The following RASSF2 variants were observed in gnomAD, a reference collection of about 807,000 sequenced individuals.
RASSF2 encodes Ras association domain family member 2.
In RASSF2, 34 loss-of-function variants were observed where a neutral mutation model predicts 46.3. The ratio of observed to expected loss-of-function variants is 0.73; its 90% confidence interval spans 0.56 to 0.98. The LOEUF (loss-of-function observed/expected upper bound fraction) is 0.98. Among genes scored for constraint, RASSF2 ranks in the 50% least tolerant of loss-of-function variants. The pLI is 0.00. For missense variants in RASSF2, 364 were observed against 431.2 expected (o/e 0.84, Z 1.38); for synonymous variants, 158 against 162.5 (o/e 0.97, Z 0.21).
At chr20:4,816,503 T>C (rs1928314774) in intron 2 of RASSF2, among the ~76,000 whole-genome samples, 1 of 152,090 alleles carries the variant, frequency 6.6e-6, no homozygotes, top group Non-Finnish European at 1.5e-5. Flanking sequence ...GAGCTTCTGT[T>C]TGGAACGACG....
chr20:4,799,631 A>G (rs1926695240), intron 3 of RASSF2, among the ~76,000 whole-genome samples: 1 of 152,234 alleles, frequency 6.6e-6, no homozygotes, highest in African/African-American at 2.4e-5. Flanking sequence ...ACCTAAGACA[A>G]AAGGCCGTTT....
At chr20:4,821,180 G>A (rs1222380132) in intron 2 of RASSF2, among the ~76,000 whole-genome samples, 1 of 152,160 alleles carries the variant, frequency 6.6e-6, no homozygotes, top group Non-Finnish European at 1.5e-5. Context: ...GTGGGTCAGA[G>A]CATCCAAAGG....
At chr20:4,789,475 G>T in intron 8 of RASSF2, 121 bp downstream of exon 8, 4 of 745,820 alleles carry the variant, frequency 5.4e-6, no homozygotes, top group East Asian at 2.7e-5. Flanking sequence ...CTAAAGAACC[G>T]AAGCCCTCTG....
intron 2 of RASSF2, among the ~76,000 whole-genome samples, chr20:4,813,576 C>G (rs542201562): frequency 3.3e-5 from 5 of 152,212 alleles, no homozygotes; most frequent in Non-Finnish European, 7.3e-5. Context: ...TACAGGGAAG[C>G]CCCACTGGCA....
At chr20:4,817,782 T>C (rs892315856) in intron 2 of RASSF2, among the ~76,000 whole-genome samples, 3 of 152,186 alleles carry the variant, frequency 2.0e-5, no homozygotes, top group African/African-American at 7.2e-5. Context: ...GGGTGTCTCA[T>C]GGTGGGTGGC....
intron 2 of RASSF2, among the ~76,000 whole-genome samples, chr20:4,815,610 C>G (rs1928240780): frequency 6.6e-6 from 1 of 152,254 alleles, no homozygotes; most frequent in Non-Finnish European, 1.5e-5. Flanking sequence ...AGTGTCCACA[C>G]AACTCCACTT....
Position 4,801,035 on chromosome 20 carries a change from C to T in RASSF2, c.-5G>A. On this transcript the variant is annotated 5_prime_UTR_variant, in exon 3 of 12. Coordinates refer to ENST00000379400, the MANE Select transcript of RASSF2 (RefSeq NM_014737.3). ...CGTTTGGTGGCTGTAGTCCATTCTTCCTTTCTCTTTTCATCGGAAGGAGAG... is the reference window on the plus strand; with the variant it reads ...CGTTTGGTGGCTGTAGTCCATTCTTTCTTTCTCTTTTCATCGGAAGGAGAG... 6.2e-7 allele frequency: 1 copy of T among 1,613,642 alleles called. No homozygotes were observed. The highest frequency in any genetic ancestry group is 8.5e-7 in the Non-Finnish European group (1 of 1,179,528).
chr20:4,815,190 C>T (rs1311279683), intron 2 of RASSF2: 3 of 152,248 alleles, frequency 2.0e-5, no homozygotes, highest in African/African-American at 7.2e-5. Flanking sequence ...AATAGAGTCA[C>T]GTGACCTGGT....
rs1601094326 is a variant in RASSF2, at chr20:4,792,849, A to C, written c.288-222T>G. The stretch of plus-strand genomic sequence containing the variant: ...GTCAAGCAGTGGGTGGGGCAGGGGG[A>C]GTTCCGGAGGGAGAAGATGTTCTTT... On this transcript the variant is annotated intron_variant, in intron 5 of 11. Coordinates refer to ENST00000379400, the MANE Select transcript of RASSF2 (RefSeq NM_014737.3). 3.9e-5 allele frequency: 32 copies of C among 825,518 alleles called. No homozygotes were observed. The East Asian group carries it at 9.4e-4, about 24-fold the overall frequency. The allele number at this position is 825,518 out of a possible 1,614,324, so 51.1% of individuals were successfully genotyped here.
chr20:4,811,089 G>A (rs545204831), intron 2 of RASSF2, among the ~76,000 whole-genome samples: 1 of 152,270 alleles, frequency 6.6e-6, no homozygotes, highest in Admixed American at 6.5e-5. Flanking sequence ...GCGAGGCATG[G>A]TGGCTCATGC....
At chr20:4,813,870 T>G (rs572991075) in intron 2 of RASSF2, among the ~76,000 whole-genome samples, 1 of 152,124 alleles carries the variant, frequency 6.6e-6, no homozygotes, top group African/African-American at 2.4e-5. Context: ...GTGTGTGTGC[T>G]TGGTATGTGT....
intron 2 of RASSF2, among the ~76,000 whole-genome samples, chr20:4,813,973 C>T (rs1008231817): frequency 1.3e-5 from 2 of 152,176 alleles, no homozygotes; most frequent in African/African-American, 4.8e-5. Flanking sequence ...CCAAGTGAGA[C>T]ATTCCATGTG....
chr20:4,788,099 A>G, intron 9 of RASSF2, 118 bp downstream of exon 9: 2 of 1,041,650 alleles, frequency 1.9e-6, no homozygotes, highest in Non-Finnish European at 2.9e-6. Context: ...TTGAAGGCAA[A>G]CAACATTTGG....
intron 2 of RASSF2, among the ~76,000 whole-genome samples, chr20:4,819,249 C>T (rs1928537563): frequency 6.6e-6 from 1 of 152,192 alleles, no homozygotes; most frequent in Non-Finnish European, 1.5e-5. Flanking sequence ...AGGCATGAGC[C>T]ACTGCGCCCA....
intron 8 of RASSF2, 91 bp downstream of exon 8, chr20:4,789,504 AC>A (rs1925672544): frequency 9.2e-7 from 1 of 1,084,694 alleles, no homozygotes; most frequent in Non-Finnish European, 1.4e-6. Flanking sequence ...CCCACAAAAC[AC>A]ACAATTTCCA....
At chr20:4,786,431 T>A in intron 10 of RASSF2, 103 bp from the exon 11 acceptor site, 2 of 1,040,522 alleles carry the variant, frequency 1.9e-6, no homozygotes, top group Non-Finnish European at 3.0e-6. Context: ...GGAAGTCTAT[T>A]TTTTTCAGAA....
chr20:4,786,446 A>G, intron 10 of RASSF2, 118 bp from the exon 11 acceptor site: 1 of 926,484 alleles, frequency 1.1e-6, no homozygotes, highest in Non-Finnish European at 1.8e-6. Context: ...TCAGAAACCC[A>G]GGATTTCCTT....
chr20:4,787,661 T>C lies in RASSF2; in HGVS notation c.785A>G (p.Lys262Arg), dbSNP rs1409780911. 1 of 1,614,032 alleles carries C rather than the reference T, an allele frequency of 6.2e-7. No homozygotes were observed. The highest frequency in any genetic ancestry group is 8.5e-7 in the Non-Finnish European group (1 of 1,180,028). The part of the protein sequence containing the change: ...EQISKVFLME[K>R]DQVEEVTYDV... Reference sequence around the variant, plus strand: ...GTAGGTGACTTCCTCCACCTGGTCCTTCTCCATTAGGAACACTTTGGAGAT... The same window carrying C: ...GTAGGTGACTTCCTCCACCTGGTCCCTCTCCATTAGGAACACTTTGGAGAT... The change falls in exon 10 of 12, where the codon AAG becomes AGG. Residue 262 changes from lysine (K) to arginine (R), a missense_variant. Physicochemically the swap from Lys to Arg is conservative, Grantham distance 26 (BLOSUM62 2). Coordinates refer to ENST00000379400, the MANE Select transcript of RASSF2 (RefSeq NM_014737.3).
rs1925010026 is a variant in RASSF2, at chr20:4,783,414, C to T, written c.*859G>A. On this transcript the variant is annotated 3_prime_UTR_variant, in exon 12 of 12. Coordinates refer to ENST00000379400, the MANE Select transcript of RASSF2 (RefSeq NM_014737.3). ...GAGATCTTTGTTTCTTGAGACATTT[C>T]CTTCCACTCAAGGAAGCGCCATAGA... 1 of 152,414 alleles carries T rather than the reference C, an allele frequency of 6.6e-6. No individual in the cohort carries two copies. Among genetic ancestry groups the T allele is most frequent in the Non-Finnish European group, 1.5e-5 (1 of 68,096 alleles). The allele number at this position is 152,414 out of a possible 1,614,324, so 9.4% of individuals were successfully genotyped here.
Sources: allele counts gnomAD v4.1 joint callset (sites outside exome capture counted in the v4.1 genomes callset), GRCh38; gene constraint gnomAD v4.1.1; transcripts MANE v1.5; gene names NCBI Gene and HGNC (gene_info 2026-07-23, HGNC 2026-07-21).